TTC27: variants seen among roughly 807,000 people sequenced by gnomAD.
TTC27 encodes the protein tetratricopeptide repeat protein 27.
A neutral mutation model predicts 115.9 loss-of-function variants in TTC27; 79 were observed. The observed-to-expected ratio is 0.68, with a 90% CI of 0.57 to 0.82. TTC27 has a LOEUF of 0.82. TTC27 is among the 40% of genes least tolerant of loss of function. The pLI is 0.00. For synonymous variants in TTC27, 401 were observed against 356.0 expected (o/e 1.13, Z -1.42); for missense variants, 1,054 against 993.1 (o/e 1.06, Z -0.82).
intron 9 of TTC27, among the ~76,000 whole-genome samples, chr2:32,696,133 A>C (rs969458503): frequency 6.7e-6 from 1 of 150,166 alleles, no homozygotes; most frequent in Admixed American, 6.6e-5. Context: ...CAAAAAAAAA[A>C]AAAAAATAAT....
At position 32,703,759 on chromosome 2, in the gene TTC27, C is replaced by T. The variant is rs955594745; in HGVS notation, c.1233+839C>T. The stretch of plus-strand genomic sequence containing the variant: ...ACTATCCATGATGCAAATTTATTAC[C>T]AAGAAAAATGGAAAATCTTACAATA... On this transcript the variant is annotated intron_variant, in intron 10 of 19. Coordinates refer to ENST00000317907, the MANE Select transcript of TTC27 (RefSeq NM_017735.5). Among the ~76,000 whole-genome samples the T allele has an allele frequency of 2.6e-5, 4 of 152,132 alleles. No individual in the cohort carries two copies. In the East Asian group the frequency reaches 5.8e-4, roughly 22 times the overall value.
intron 12 of TTC27, among the ~76,000 whole-genome samples, chr2:32,754,301 G>A (rs929087206): frequency 1.4e-4 from 21 of 150,852 alleles, no homozygotes; most frequent in Non-Finnish European, 2.5e-4. Flanking sequence ...GCCTTCCGCA[G>A]TGTTTGTGTC....
chr2:32,732,517 C>G (rs1668322963), intron 10 of TTC27, among the ~76,000 whole-genome samples: 1 of 152,184 alleles, frequency 6.6e-6, no homozygotes, highest in African/African-American at 2.4e-5. Context: ...GTCTCCCTGT[C>G]TTAGATTTTT....
At chr2:32,713,063 T>A in intron 10 of TTC27, among the ~76,000 whole-genome samples, 1 of 152,168 alleles carries the variant, frequency 6.6e-6, no homozygotes. Flanking sequence ...TTTGGCTTCC[T>A]TCCCTCTCTC....
intron 16 of TTC27, among the ~76,000 whole-genome samples, chr2:32,787,362 T>C (rs1331822116): frequency 6.6e-6 from 1 of 152,220 alleles, no homozygotes; most frequent in African/African-American, 2.4e-5. Context: ...AAACTGAATA[T>C]TACTCTGACT....
rs141620658 is a variant in TTC27 at position 32,802,942 on chromosome 2, G to T, written c.1999-8082G>T. On this transcript the variant is annotated intron_variant, in intron 16 of 19. Coordinates refer to ENST00000317907, the MANE Select transcript of TTC27 (RefSeq NM_017735.5). ...CTATTCAATTTGTTTATTTTATCAT[G>T]GTTGTACTTTTGGATGTCTTAATTT... Among the ~76,000 whole-genome samples, 369 of 152,266 alleles carry T rather than the reference G, an allele frequency of 2.4e-3. 1 individual carries two copies. The highest frequency in any genetic ancestry group is 8.3e-3 in the African/African-American group (343 of 41,538).
chr2:32,780,033 G>A (rs189630950), intron 14 of TTC27: 3 of 447,482 alleles, frequency 6.7e-6, no homozygotes, highest in South Asian at 1.7e-5. Context: ...TTGACTGTAT[G>A]TCACATTTCA....
At chr2:32,763,180 C>T (rs534323193) in intron 13 of TTC27, among the ~76,000 whole-genome samples, 4 of 152,240 alleles carry the variant, frequency 2.6e-5, no homozygotes, top group East Asian at 3.9e-4. Flanking sequence ...TTCAGGCGGG[C>T]GGTAAACCAT....
Position 32,692,036 on chromosome 2 carries a change from GTTTTTTTTTT to G in TTC27, c.1120-10754_1120-10745del, listed in dbSNP as rs779547700. On this transcript the variant is annotated intron_variant, in intron 9 of 19. Transcript: ENST00000317907. ...GGGATATTCTTTTTTAATTTTTTAG[GTTTTTTTTTT>G]TTTTTTTTTTTTTTTTGTAGAGACA... 3.4e-4 allele frequency among the ~76,000 whole-genome samples: 21 copies of G among 61,212 alleles called. 1 individual carries two copies. The highest frequency in any genetic ancestry group is 3.0e-3 in the East Asian group (5 of 1,652). The allele number at this position is 61,212 out of a possible 152,430, so 40.2% of individuals were successfully genotyped here.
At position 32,730,879 on chromosome 2, in the gene TTC27, C is replaced by T. The variant is rs188500031; in HGVS notation, c.1234-2949C>T. ...TTAAGTGATCCTCCCACCTCGGCCT[C>T]CCAAAGTGCTGGGATTACAGGCATG... On this transcript the variant is annotated intron_variant, in intron 10 of 19. Transcript: ENST00000317907. Among the ~76,000 whole-genome samples, 385 of 152,212 alleles carry T rather than the reference C, an allele frequency of 2.5e-3. 2 individuals carry two copies. Among genetic ancestry groups the T allele is most frequent in the African/African-American group, 8.8e-3 (367 of 41,538 alleles).
intron 13 of TTC27, among the ~76,000 whole-genome samples, chr2:32,771,012 A>G (rs1669811916): frequency 6.6e-6 from 1 of 152,204 alleles, no homozygotes. Flanking sequence ...TGTAACTTGC[A>G]TAACTGCCAA....
intron 9 of TTC27, among the ~76,000 whole-genome samples, chr2:32,700,824 G>A (rs1295903497): frequency 6.6e-6 from 1 of 152,212 alleles, no homozygotes; most frequent in African/African-American, 2.4e-5. Context: ...ACAGGCGTGA[G>A]CCATCACGCC....
chr2:32,800,912 A>G, intron 16 of TTC27, among the ~76,000 whole-genome samples: 1 of 152,150 alleles, frequency 6.6e-6, no homozygotes, highest in East Asian at 1.9e-4. Context: ...CTTGGTGATG[A>G]AAAAAACATT....
intron 1 of TTC27, among the ~76,000 whole-genome samples, chr2:32,630,266 A>T (rs1419906383): frequency 6.6e-6 from 1 of 152,200 alleles, no homozygotes; most frequent in Non-Finnish European, 1.5e-5. Flanking sequence ...ATACCTATTA[A>T]TGAGGAATAT....
intron 10 of TTC27, among the ~76,000 whole-genome samples, chr2:32,723,401 C>A (rs1288978577): frequency 6.6e-6 from 1 of 152,066 alleles, no homozygotes. Context: ...TGATTATGGG[C>A]ATGTTTGGGA....
intron 16 of TTC27, among the ~76,000 whole-genome samples, chr2:32,801,442 C>T (rs950600206): frequency 1.3e-5 from 2 of 152,170 alleles, no homozygotes; most frequent in African/African-American, 4.8e-5. Context: ...TTCATCTCCT[C>T]TCTTCTGTGT....
intron 12 of TTC27, among the ~76,000 whole-genome samples, chr2:32,739,273 A>T (rs1358491196): frequency 6.6e-6 from 1 of 152,208 alleles, no homozygotes. Flanking sequence ...ATATAAAAAT[A>T]TGGTAGTTTT....
chr2:32,721,304 A>T (rs1667917451), intron 10 of TTC27, among the ~76,000 whole-genome samples: 2 of 152,178 alleles, frequency 1.3e-5, no homozygotes, highest in Admixed American at 6.5e-5. Context: ...ACCCAATTCA[A>T]ACTGGCCATA....
intron 7 of TTC27, among the ~76,000 whole-genome samples, chr2:32,671,444 A>G (rs1020468877): frequency 5.9e-5 from 9 of 152,112 alleles, no homozygotes; most frequent in African/African-American, 1.7e-4. Flanking sequence ...AAGTTCTCTA[A>G]TTTCATTTAT....
Sources: gnomAD v4.1 joint callset for allele counts (sites outside exome capture counted in the v4.1 genomes callset) on GRCh38, gnomAD v4.1.1 for gene constraint, MANE v1.5 for transcripts, NCBI Gene and HGNC (gene_info 2026-07-23, HGNC 2026-07-21) for gene names.